VWF: variants seen among roughly 807,000 people sequenced by gnomAD.
The protein encoded by VWF is Factor VIII related antigen.
VWF carries 176 observed loss-of-function variants against 308.6 expected under a neutral mutation model. The ratio of observed to expected loss-of-function variants is 0.57; its 90% CI spans 0.50 to 0.65. The LOEUF (loss-of-function observed/expected upper bound fraction) is 0.65. VWF is among the 30% of genes least tolerant of loss of function. The pLI, the probability that VWF is intolerant of heterozygous loss-of-function variation, is 0.00. For synonymous variants in VWF, 1,385 were observed against 1,443.4 expected (o/e 0.96, Z 0.92); for missense variants, 3,146 against 3,648.2 (o/e 0.86, Z 3.55).
chr12:6,103,469 T>C lies in VWF; in HGVS notation c.532+6905A>G, dbSNP rs1392676016. Among the ~76,000 whole-genome samples, 22 of 54,488 alleles carry C rather than the reference T, an allele frequency of 4.0e-4. 1 individual carries two copies. Among genetic ancestry groups the C allele is most frequent in the Admixed American group, 2.0e-3 (12 of 5,968 alleles). 35.7% of individuals were successfully genotyped at this position (54,488 alleles called of 152,430 possible). On this transcript the variant is annotated intron_variant, in intron 5 of 51. Transcript: ENST00000261405. Reference sequence around the variant, plus strand: ...ATACACATATATGTGTATATACACATATGTGTGTATATACATATATGTGTA... The same window carrying C: ...ATACACATATATGTGTATATACACACATGTGTGTATATACATATATGTGTA...
intron 47 of VWF, among the ~76,000 whole-genome samples, chr12:5,964,607 A>G (rs1317121545): frequency 6.6e-6 from 1 of 152,212 alleles, no homozygotes; most frequent in Non-Finnish European, 1.5e-5. Context: ...GCACCCAGAC[A>G]GACGACCTGT....
chr12:6,119,416 C>T (rs946606584), intron 3 of VWF, among the ~76,000 whole-genome samples: 6 of 152,228 alleles, frequency 3.9e-5, no homozygotes, highest in African/African-American at 1.4e-4. Context: ...ACTGACCTCC[C>T]CAGGGCTCCA....
At chr12:5,956,350 C>T (rs1337959874) in intron 47 of VWF, among the ~76,000 whole-genome samples, 1 of 152,132 alleles carries the variant, frequency 6.6e-6, no homozygotes, top group Non-Finnish European at 1.5e-5. Context: ...GCATTGTTAT[C>T]ACAGAAGACG....
intron 10 of VWF, 54 bp from the exon 11 acceptor site, chr12:6,065,327 G>A: frequency 6.2e-7 from 1 of 1,609,170 alleles, no homozygotes; most frequent in Non-Finnish European, 8.5e-7. Flanking sequence ...ACTTCCCCTG[G>A]GGTGGCCAAG....
At chr12:6,074,176 GC>G (rs1329848983) in intron 7 of VWF, among the ~76,000 whole-genome samples, 1 of 151,820 alleles carries the variant, frequency 6.6e-6, no homozygotes, top group African/African-American at 2.4e-5. Context: ...CCAATCAAAT[GC>G]CCCACCCAGC....
At chr12:6,079,459 A>C (rs1474519337) in intron 6 of VWF, among the ~76,000 whole-genome samples, 2 of 151,910 alleles carry the variant, frequency 1.3e-5, no homozygotes, top group Non-Finnish European at 2.9e-5. Flanking sequence ...ACAAAAAAAA[A>C]ATTAGCCGGG....
rs1944806233 is a variant in VWF, at chr12:6,073,667, T to C, written c.949A>G (p.Ile317Val). Residue 317 changes from isoleucine to valine, a missense_variant, in exon 8 of 52, where the codon ATC (isoleucine) becomes GTC (valine). Transcript: ENST00000261405. ...CATCGCTCCTGACACATTTCATTGA[T>C]GTGCAGGCTCTGGCAGGTCCTGGCG... is the stretch of plus-strand genomic sequence containing the variant. ...PCARTCQSLH[I>V]NEMCQERCVD... The C allele has an allele frequency of 1.9e-6, 3 of 1,613,994 alleles. No homozygotes were observed. The highest frequency in any genetic ancestry group is 1.3e-5 in the African/African-American group (1 of 74,904).
At chr12:6,065,914 C>T (rs1171229419) in intron 10 of VWF, among the ~76,000 whole-genome samples, 3 of 152,224 alleles carry the variant, frequency 2.0e-5, no homozygotes, top group African/African-American at 4.8e-5. Flanking sequence ...TTGCTTTCTG[C>T]GTCCTCAGAG....
chr12:6,002,652 A>G (rs1012739539), intron 34 of VWF, among the ~76,000 whole-genome samples: 2 of 152,086 alleles, frequency 1.3e-5, no homozygotes, highest in Admixed American at 1.3e-4. Context: ...GTAAGTTAGT[A>G]GGAATTAAAG....
At chr12:6,044,821 G>A (rs1944431899) in intron 17 of VWF, among the ~76,000 whole-genome samples, 1 of 152,184 alleles carries the variant, frequency 6.6e-6, no homozygotes, top group Non-Finnish European at 1.5e-5. Flanking sequence ...GAGTTTTAAT[G>A]GACCCAACAG....
intron 6 of VWF, among the ~76,000 whole-genome samples, chr12:6,087,370 T>G (rs1944984002): frequency 6.7e-6 from 1 of 148,416 alleles, no homozygotes; most frequent in Non-Finnish European, 1.5e-5. Context: ...TTTTTTTTTT[T>G]TTTTTTGAGA....
chr12:6,049,696 C>T (rs59461904), intron 16 of VWF, among the ~76,000 whole-genome samples: 4,609 of 152,308 alleles, frequency 0.03, 223 homozygotes, highest in African/African-American at 0.11. Flanking sequence ...CATGCCTGCC[C>T]AACAGTGTTG....
At chr12:6,092,622 T>TGAGAGAGAGAGAGAGAGAGAGAGA (rs1403649370) in intron 6 of VWF, among the ~76,000 whole-genome samples, 11 of 91,490 alleles carry the variant, frequency 1.2e-4, no homozygotes, top group African/African-American at 5.8e-4. Context: ...AGTGAGAGTG[T>TGAGAGAGAGAGAGAGAGAGAGAGA]GTGTGTGTGT....
rs770999203 is a variant in VWF at position 6,057,062 on chromosome 12, G to A, written c.1740C>T (p.Ser580=). The A allele has an allele frequency of 1.3e-6, 2 of 1,540,314 alleles. No individual in the cohort carries two copies. The highest frequency in any genetic ancestry group is 1.7e-6 in the Non-Finnish European group (2 of 1,149,156). The change falls in exon 15 of 52, where the codon TCC becomes TCT. Residue 580 remains serine (S), a synonymous_variant. Transcript: ENST00000261405. ...CALNPRMTRF[S]EEACAVLTSP... ...ACGTCAGGACCGCGCACGCCTCCTCGGAGAACCTGGCTGTGGGGCGAGAGG... is the reference window on the plus strand; with the variant it reads ...ACGTCAGGACCGCGCACGCCTCCTCAGAGAACCTGGCTGTGGGGCGAGAGG...
intron 15 of VWF, among the ~76,000 whole-genome samples, chr12:6,053,518 C>T (rs1944542660): frequency 6.6e-6 from 1 of 152,196 alleles, no homozygotes; most frequent in South Asian, 2.1e-4. Flanking sequence ...AAATGGGCTG[C>T]ACCCATCTGC....
Position 5,985,639 on chromosome 12 carries a change from G to A in VWF, c.6825C>T (p.His2275=), listed in dbSNP as rs776323909. The A allele has an allele frequency of 2.0e-5, 32 of 1,614,020 alleles. No individual in the cohort carries two copies. Among genetic ancestry groups the A allele is most frequent in the Middle Eastern group, 1.6e-4 (1 of 6,084 alleles). Residue 2275 remains histidine, a synonymous_variant, in exon 39 of 52, where the codon CAC becomes CAT. Coordinates refer to ENST00000261405, the MANE Select transcript of VWF (RefSeq NM_000552.5). ...HQFLEAWVPD[H]QPCQICTCLS... ...GGCATGTGCAGATCTGACAGGGCTGGTGGTCCGGGACCCAGGCTTCCAGGA... is the reference window on the plus strand; with the variant it reads ...GGCATGTGCAGATCTGACAGGGCTGATGGTCCGGGACCCAGGCTTCCAGGA...
At chr12:6,044,254 T>C in intron 18 of VWF, 37 bp downstream of exon 18, 1 of 1,612,598 alleles carries the variant, frequency 6.2e-7, no homozygotes, top group Non-Finnish European at 8.5e-7. Context: ...ACAAGAAAAC[T>C]GAAGGGCAGG....
chr12:6,022,936 CAAAG>C (rs1944145113), intron 25 of VWF, 38 bp from the exon 26 acceptor site: 1 of 376,578 alleles, frequency 2.7e-6, no homozygotes, highest in Non-Finnish European at 5.0e-6. Context: ...CCACAACAGG[CAAAG>C]CCTCCAGGAC....
At chr12:5,949,925 G>C (rs201747790) in intron 50 of VWF, 42 bp from the exon 51 acceptor site, 2 of 1,587,484 alleles carry the variant, frequency 1.3e-6, no homozygotes, top group Non-Finnish European at 1.7e-6. Context: ...ACTGGCTGGG[G>C]TTCTAGAGAA....
Sources: gnomAD v4.1 joint callset for allele counts (sites outside exome capture counted in the v4.1 genomes callset) on GRCh38, gnomAD v4.1.1 for gene constraint, MANE v1.5 for transcripts, NCBI Gene and HGNC (gene_info 2026-07-23, HGNC 2026-07-21) for gene names.